Variants in SPSB1 observed in about 807,000 individuals in gnomAD.
SPSB1 encodes the protein splA/ryanodine receptor domain and SOCS box containing 1.
A neutral mutation model predicts 21.2 loss-of-function variants in SPSB1; 8 were observed. The observed-to-expected ratio is 0.38, with a 90% CI of 0.22 to 0.68. The LOEUF is 0.68. SPSB1 is among the 30% of genes least tolerant of loss of function. The pLI is 0.53. For synonymous variants in SPSB1, 169 were observed against 161.7 expected, an observed-to-expected ratio of 1.05 and a Z score of -0.34; for missense variants, 242 against 377.8, an observed-to-expected ratio of 0.64 and a Z score of 2.98.
At chr1:9,350,249 G>A (rs910321108) in intron 1 of SPSB1, among the ~76,000 whole-genome samples, 2 of 152,386 alleles carry the variant, frequency 1.3e-5, no homozygotes, top group African/African-American at 4.8e-5. Flanking sequence ...GCGTGTGACA[G>A]CTGAGCCTTG....
In SPSB1 at chr1:9,355,869, A is replaced by C. The variant is rs1425643069; in HGVS notation, c.-23A>C. 1.3e-6 allele frequency: 2 copies of C among 1,527,294 alleles called. No homozygotes were observed. The highest frequency in any genetic ancestry group is 1.4e-5 in the African/African-American group (1 of 72,166). The allele number at this position is 1,527,294 out of a possible 1,614,324, so 94.6% of individuals were successfully genotyped here. A position where few individuals can be genotyped will look rare whatever the true frequency, so the allele number is the denominator to read the frequency against. On this transcript the variant is annotated 5_prime_UTR_variant, in exon 2 of 3. Coordinates refer to ENST00000328089, the MANE Select transcript of SPSB1 (RefSeq NM_025106.4). ...GATGAGTTTGCCTTGGGAGTCGGTAAGAAGGTGAAGCCAGGGGCGAACATG... is the reference window on the plus strand; with the variant it reads ...GATGAGTTTGCCTTGGGAGTCGGTACGAAGGTGAAGCCAGGGGCGAACATG...
intron 2 of SPSB1, among the ~76,000 whole-genome samples, chr1:9,360,513 C>T (rs949925724): frequency 5.9e-5 from 9 of 152,144 alleles, no homozygotes; most frequent in Admixed American, 1.3e-4. Context: ...CAGGTGTCTG[C>T]GATCAGGATG....
chr1:9,311,397 G>T (rs1639517694), intron 1 of SPSB1, among the ~76,000 whole-genome samples: 1 of 152,062 alleles, frequency 6.6e-6, no homozygotes, highest in Admixed American at 6.6e-5. Context: ...TTTTTATAAT[G>T]GAAAATTTCA....
In SPSB1 at chr1:9,309,299, AGAGT is replaced by A. The variant is rs779929854; in HGVS notation, c.-150+16230_-150+16233del. 9.0e-3 allele frequency among the ~76,000 whole-genome samples: 978 copies of A among 108,076 alleles called. 4 individuals carry two copies. The highest frequency in any genetic ancestry group is 0.014 in the Non-Finnish European group (738 of 52,914). 70.9% of individuals were successfully genotyped at this position (108,076 alleles called of 152,430 possible). ...GAGAGAGTGTGAGAGAGAGAGAGAG[AGAGT>A]GTGTGTGTGTGTGTGTGTGTGTGTG... On this transcript the variant is annotated intron_variant, in intron 1 of 2. Coordinates refer to ENST00000328089, the MANE Select transcript of SPSB1 (RefSeq NM_025106.4).
intron 2 of SPSB1, among the ~76,000 whole-genome samples, chr1:9,358,199 T>C (rs185011108): frequency 6.6e-6 from 1 of 152,304 alleles, no homozygotes; most frequent in Non-Finnish European, 1.5e-5. Context: ...CGCAAACGCT[T>C]ACACATTTCT....
intron 1 of SPSB1, among the ~76,000 whole-genome samples, chr1:9,349,364 C>A (rs1012342012): frequency 1.3e-5 from 2 of 152,250 alleles, no homozygotes; most frequent in Non-Finnish European, 2.9e-5. Flanking sequence ...TTATCCCCCA[C>A]CTGCTTGTGG....
chr1:9,330,710 T>G (rs1467151821), intron 1 of SPSB1, among the ~76,000 whole-genome samples: 5 of 152,138 alleles, frequency 3.3e-5, no homozygotes, highest in Admixed American at 6.6e-5. Flanking sequence ...TGAACTTTTT[T>G]TTTTTTAATC....
intron 1 of SPSB1, among the ~76,000 whole-genome samples, chr1:9,332,217 G>A (rs1191747118): frequency 2.6e-5 from 4 of 151,878 alleles, no homozygotes; most frequent in Non-Finnish European, 2.9e-5. Context: ...CAATGAGAGC[G>A]TTTTAGGAAG....
intron 1 of SPSB1, among the ~76,000 whole-genome samples, chr1:9,352,748 C>A (rs566331127): frequency 3.3e-5 from 5 of 151,896 alleles, no homozygotes; most frequent in South Asian, 2.1e-4. Flanking sequence ...CCTCTTCCCC[C>A]CTCAACCTCC....
At chr1:9,344,319 G>A (rs922127943) in intron 1 of SPSB1, among the ~76,000 whole-genome samples, 4 of 152,164 alleles carry the variant, frequency 2.6e-5, no homozygotes, top group African/African-American at 9.7e-5. Flanking sequence ...CCCAGGTGAC[G>A]CTGACTGATG....
At chr1:9,359,849 G>GC (rs1209529169) in intron 2 of SPSB1, among the ~76,000 whole-genome samples, 16 of 151,254 alleles carry the variant, frequency 1.1e-4, no homozygotes, top group East Asian at 3.9e-4. Context: ...ATGGAAGCCG[G>GC]GGGGGTGGGT....
At chr1:9,319,125 G>A (rs371957324) in intron 1 of SPSB1, among the ~76,000 whole-genome samples, 2 of 152,118 alleles carry the variant, frequency 1.3e-5, no homozygotes, top group East Asian at 1.9e-4. Context: ...AGGTTGCAGT[G>A]AGCCAAGATC....
Position 9,293,215 on chromosome 1 carries a change from G to T in SPSB1, c.-150+144G>T. On this transcript the variant is annotated intron_variant, in intron 1 of 2. Coordinates refer to ENST00000328089, the MANE Select transcript of SPSB1 (RefSeq NM_025106.4). This position sits in a 1 kb window ranked among gnomAD's most constrained non-coding sequence, Gnocchi z 5.1. ...GGCGCGGGGCCGGGCGCGGGGGAGC[G>T]GGTGGAGTACGGGATGGGGACTCGG... The T allele has an allele frequency of 1.1e-6, 1 of 936,732 alleles. No individual in the cohort carries two copies. Among genetic ancestry groups the T allele is most frequent in the South Asian group, 4.8e-5 (1 of 20,808 alleles). The allele number at this position is 936,732 out of a possible 1,614,324, so 58.0% of individuals were successfully genotyped here. A position where few individuals can be genotyped will look rare whatever the true frequency, so the allele number is the denominator to read the frequency against.
At chr1:9,323,218 C>G (rs927061965) in intron 1 of SPSB1, among the ~76,000 whole-genome samples, 4 of 152,236 alleles carry the variant, frequency 2.6e-5, no homozygotes, top group African/African-American at 9.6e-5. Flanking sequence ...CACGAAGTGC[C>G]CTGGCTGGGC....
chr1:9,335,501 C>CAA (rs61620058), intron 1 of SPSB1, among the ~76,000 whole-genome samples: 2 of 139,534 alleles, frequency 1.4e-5, no homozygotes, highest in African/African-American at 5.4e-5. Context: ...GTCTCTGTCT[C>CAA]AAAAAAAAAA....
chr1:9,325,567 A>G (rs1296391412), intron 1 of SPSB1, among the ~76,000 whole-genome samples: 1 of 142,792 alleles, frequency 7.0e-6, no homozygotes, highest in African/African-American at 3.1e-5. Context: ...CGTGGAACAG[A>G]CAGTCACTCA....
At chr1:9,366,657 T>C (rs1287659301) in intron 2 of SPSB1, among the ~76,000 whole-genome samples, 2 of 148,534 alleles carry the variant, frequency 1.3e-5, no homozygotes, top group Non-Finnish European at 1.5e-5. Context: ...CACTGCAACC[T>C]CCATCTCCCA....
chr1:9,301,308 T>C lies in SPSB1; in HGVS notation c.-150+8237T>C, dbSNP rs141274983. Among the ~76,000 whole-genome samples the C allele has an allele frequency of 1.1e-4, 16 of 152,100 alleles. 1 individual carries two copies. In the East Asian group the frequency reaches 2.9e-3, roughly 28 times the overall value. On this transcript the variant is annotated intron_variant, in intron 1 of 2. Transcript: ENST00000328089. Reference sequence around the variant, plus strand: ...GAGTTCGAGACCAGCCTGAGCAACATAGTGAGACTCCCCGCCCCCGCCATC... The same window carrying C: ...GAGTTCGAGACCAGCCTGAGCAACACAGTGAGACTCCCCGCCCCCGCCATC...
At chr1:9,314,520 A>G (rs1194118325) in intron 1 of SPSB1, among the ~76,000 whole-genome samples, 1 of 152,178 alleles carries the variant, frequency 6.6e-6, no homozygotes, top group Admixed American at 6.5e-5. Flanking sequence ...CCAAATGGAG[A>G]GAGAGGCAGG....
Sources: gnomAD v4.1 joint callset for allele counts (sites outside exome capture counted in the v4.1 genomes callset) on GRCh38, gnomAD v4.1.1 for gene constraint, Gnocchi (gnomAD v3.1) non-coding constraint, MANE v1.5 for transcripts, NCBI Gene and HGNC (gene_info 2026-07-23, HGNC 2026-07-21) for gene names.